The following DOCK5 variants were observed in gnomAD, a reference collection of about 807,000 sequenced individuals.
DOCK5 encodes dedicator of cytokinesis protein 5.
Under a neutral mutation model 251.8 loss-of-function variants are expected in DOCK5, and 142 were observed. That is an observed-to-expected ratio of 0.56 (90% CI 0.49 to 0.65). The LOEUF is 0.65. Ranked by LOEUF, DOCK5 falls within the 30% of genes least tolerant of loss-of-function variation. DOCK5 has a pLI of 0.00. For synonymous variants in DOCK5, 842 were observed against 835.5 expected, an observed-to-expected ratio of 1.01 and a Z score of -0.13; for missense variants, 2,111 against 2,312.3, an observed-to-expected ratio of 0.91 and a Z score of 1.79.
chr8:25,370,947 GTATTAT>G (rs957708034), intron 34 of DOCK5, among the ~76,000 whole-genome samples: 2 of 151,978 alleles, frequency 1.3e-5, no homozygotes, highest in African/African-American at 4.8e-5. Context: ...GTCTGGCCTA[GTATTAT>G]TATTATTATT....
intron 46 of DOCK5, among the ~76,000 whole-genome samples, 163 bp downstream of exon 46, chr8:25,400,157 G>T (rs1288695839): frequency 6.6e-6 from 1 of 152,106 alleles, no homozygotes; most frequent in African/African-American, 2.4e-5. Flanking sequence ...TCGGCCGGCA[G>T]TTAAACTGCC....
intron 42 of DOCK5, among the ~76,000 whole-genome samples, chr8:25,390,782 AC>A (rs1316074959): frequency 1.3e-5 from 2 of 151,798 alleles, no homozygotes; most frequent in African/African-American, 4.8e-5. Context: ...TAATGAGATC[AC>A]AAATGTATGT....
intron 1 of DOCK5, among the ~76,000 whole-genome samples, chr8:25,235,755 A>G (rs1016574006): frequency 5.9e-5 from 9 of 151,890 alleles, no homozygotes; most frequent in African/African-American, 2.2e-4. Flanking sequence ...TCCCTTCACA[A>G]ATATATGTAA....
chr8:25,243,961 C>T (rs550408751), intron 2 of DOCK5, among the ~76,000 whole-genome samples: 2 of 152,318 alleles, frequency 1.3e-5, no homozygotes, highest in South Asian at 4.1e-4. Context: ...CAAACTTGCA[C>T]AGACACCAGG....
intron 17 of DOCK5, 50 bp from the exon 18 acceptor site, chr8:25,325,314 T>C: frequency 6.3e-7 from 1 of 1,583,016 alleles, no homozygotes. Flanking sequence ...TTTATTTGCA[T>C]ATAAGAGATT....
chr8:25,313,873 C>T (rs1331528936), intron 13 of DOCK5, among the ~76,000 whole-genome samples: 1 of 152,196 alleles, frequency 6.6e-6, no homozygotes. Flanking sequence ...TCTCCAAATA[C>T]AGTCATATTC....
In DOCK5 at chr8:25,363,102, A is replaced by G; in HGVS notation, c.3005A>G (p.Tyr1002Cys). The change falls in exon 29 of 52, where the codon TAT becomes TGT. Residue 1002 changes from tyrosine to cysteine, a missense_variant. Physicochemically the swap from Tyr to Cys is radical, Grantham distance 194. Transcript: ENST00000276440. ...MFKDLIGKNV[Y>C]AKDWMVMNMT... ...AAGGACCTGATTGGAAAGAATGTCTATGCCAAAGATTGGATGGTGATGAAT... is the reference window on the plus strand; with the variant it reads ...AAGGACCTGATTGGAAAGAATGTCTGTGCCAAAGATTGGATGGTGATGAAT... 6.2e-7 allele frequency: 1 copy of G among 1,614,080 alleles called. No homozygotes were observed. The highest frequency in any genetic ancestry group is 8.5e-7 in the Non-Finnish European group (1 of 1,179,888).
chr8:25,268,851 A>T lies in DOCK5; in HGVS notation c.134A>T (p.Tyr45Phe), dbSNP rs774024490. The change falls in exon 3 of 52, where the codon TAC becomes TTC. Residue 45 changes from tyrosine (Y) to phenylalanine (F), a missense_variant. Around this residue, in one of 3 missense-constraint regions of DOCK5, gnomAD observed 335 missense variants for 324.9 expected, o/e 1.03. Coordinates refer to ENST00000276440, the MANE Select transcript of DOCK5 (RefSeq NM_024940.8). ...VHILEMYEGW[Y>F]RGYTLQNKSK... is the part of the protein sequence containing the mutation. The stretch of plus-strand genomic sequence containing the variant: ...TTCTCTTTTGCTCTGACAGGTTGGT[A>T]CAGAGGATATACCCTCCAAAATAAA... The T allele has an allele frequency of 1.6e-5, 25 of 1,571,572 alleles. 1 individual carries two copies. The South Asian group carries it at 2.9e-4, about 18-fold the overall frequency.
intron 1 of DOCK5, among the ~76,000 whole-genome samples, chr8:25,229,353 T>G (rs1330997451): frequency 6.6e-6 from 1 of 151,870 alleles, no homozygotes. Context: ...ATGGTGATGG[T>G]CACCTGTAAT....
chr8:25,352,942 A>G (rs1250591830), intron 27 of DOCK5, among the ~76,000 whole-genome samples: 1 of 152,180 alleles, frequency 6.6e-6, no homozygotes, highest in Admixed American at 6.5e-5. Flanking sequence ...TGAGGAAGGT[A>G]AGGGAGTGAG....
Position 25,351,742 on chromosome 8 carries a change from G to A in DOCK5, c.2766G>A (p.Ala922=), listed in dbSNP as rs368070746. The change falls in exon 27 of 52, where the codon GCG becomes GCA. Residue 922 remains alanine (A), a synonymous_variant. Coordinates refer to ENST00000276440, the MANE Select transcript of DOCK5 (RefSeq NM_024940.8). ...TGTGTTCCCTGCAGGGTGCCACTGC[G>A]GTGCACATTCAGCTTATAATGGAAC... ...VLDRKDVGAT[A]VHIQLIMERL... 1.3e-5 allele frequency: 21 copies of A among 1,613,404 alleles called. No homozygotes were observed. The highest frequency in any genetic ancestry group is 1.8e-5 in the Non-Finnish European group (21 of 1,179,712).
At position 25,373,706 on chromosome 8, in the gene DOCK5, G is replaced by A. The variant is rs117917889; in HGVS notation, c.3725+48G>A. 9.7e-4 allele frequency: 1,480 copies of A among 1,525,214 alleles called. 13 individuals carry two copies. In the East Asian group the frequency reaches 0.017, roughly 18 times the overall value. The allele number at this position is 1,525,214 out of a possible 1,614,324, so 94.5% of individuals were successfully genotyped here. A position where few individuals can be genotyped will look rare whatever the true frequency, so the allele number is the denominator to read the frequency against. Reference sequence around the variant, plus strand: ...CTTCTGCTGTTTATTTCATGGCTTTGTGATTGATTTCTTCAGTAAACAAAT... The same window carrying A: ...CTTCTGCTGTTTATTTCATGGCTTTATGATTGATTTCTTCAGTAAACAAAT... On this transcript the variant is annotated intron_variant, in intron 36 of 51. Coordinates refer to ENST00000276440, the MANE Select transcript of DOCK5 (RefSeq NM_024940.8).
At chr8:25,330,538 A>G (rs1190883835) in intron 18 of DOCK5, among the ~76,000 whole-genome samples, 1 of 152,146 alleles carries the variant, frequency 6.6e-6, no homozygotes, top group East Asian at 1.9e-4. Flanking sequence ...GATTTCTCTG[A>G]CTGCTAAAGG....
intron 2 of DOCK5, among the ~76,000 whole-genome samples, chr8:25,255,177 A>G (rs561768271): frequency 6.6e-6 from 1 of 152,346 alleles, no homozygotes; most frequent in South Asian, 2.1e-4. Context: ...CACTCTCATC[A>G]CACAATGCAG....
chr8:25,275,461 G>T lies in DOCK5; in HGVS notation c.224+20G>T. The T allele has an allele frequency of 6.3e-7, 1 of 1,594,706 alleles. No individual in the cohort carries two copies. The highest frequency in any genetic ancestry group is 1.1e-5 in the South Asian group (1 of 88,804). On this transcript the variant is annotated intron_variant, in intron 4 of 51. Transcript: ENST00000276440. ...CCTGGGGTAAGTTCCAAGCTAGGAAGATTCCCCAAAAATGATGAAGATGTA... is the reference window on the plus strand; with the variant it reads ...CCTGGGGTAAGTTCCAAGCTAGGAATATTCCCCAAAAATGATGAAGATGTA...
chr8:25,389,026 C>T (rs780902418), intron 40 of DOCK5, 65 bp from the exon 41 acceptor site: 107 of 1,532,664 alleles, frequency 7.0e-5, no homozygotes, highest in Non-Finnish European at 8.7e-5. Context: ...CCTCAGTACC[C>T]GGAACTCCAG....
chr8:25,276,677 T>C (rs1282791936), intron 4 of DOCK5, among the ~76,000 whole-genome samples: 4 of 152,226 alleles, frequency 2.6e-5, no homozygotes, highest in Non-Finnish European at 5.9e-5. Context: ...TTTTCTTTTT[T>C]TAATTATGAT....
At chr8:25,320,857 C>A in intron 15 of DOCK5, 123 bp from the exon 16 acceptor site, 1 of 778,852 alleles carries the variant, frequency 1.3e-6, no homozygotes, top group Non-Finnish European at 2.1e-6. Flanking sequence ...AAACCTATAC[C>A]AAATCTCACT....
intron 40 of DOCK5, among the ~76,000 whole-genome samples, chr8:25,387,474 A>G (rs1801185306): frequency 6.6e-6 from 1 of 152,158 alleles, no homozygotes; most frequent in South Asian, 2.1e-4. Flanking sequence ...CAAACACTGA[A>G]TGCTGTTACT....
Sources: gnomAD v4.1 joint callset for allele counts (sites outside exome capture counted in the v4.1 genomes callset) on GRCh38, gnomAD v4.1.1 for gene constraint, gnomAD v4.1.1 regional missense constraint, MANE v1.5 for transcripts, NCBI Gene and HGNC (gene_info 2026-07-23, HGNC 2026-07-21) for gene names.